The following HOOK2 variants were observed in gnomAD, a reference collection of about 807,000 sequenced individuals.
HOOK2 encodes protein Hook homolog 2.
In HOOK2, 108 loss-of-function variants were observed where a neutral mutation model predicts 111.9. That is an observed-to-expected ratio of 0.96 (90% CI 0.83 to 1.13). The LOEUF (loss-of-function observed/expected upper bound fraction) is 1.13. HOOK2 is among the 50% of genes most tolerant of loss of function. The pLI is 0.00. For synonymous variants in HOOK2, 405 were observed against 394.3 expected (o/e 1.03, Z -0.32); for missense variants, 978 against 951.3 (o/e 1.03, Z -0.37).
chr19:12,777,265 G>A (rs942488853), upstream of HOOK2, among the ~76,000 whole-genome samples: 7 of 152,088 alleles, frequency 4.6e-5, no homozygotes, highest in African/African-American at 1.7e-4. Flanking sequence ...CTTGAACCCA[G>A]GAGTTCGAGA....
At chr19:12,784,048 C>A (rs934035492) in intron 3 of HOOK2, among the ~76,000 whole-genome samples, 1 of 152,068 alleles carries the variant, frequency 6.6e-6, no homozygotes, top group Non-Finnish European at 1.5e-5. Flanking sequence ...CCCTGGACGC[C>A]TGGGTCCTGA....
At chr19:12,776,759 G>C (rs2083961476), upstream of HOOK2, among the ~76,000 whole-genome samples, 1 of 151,928 alleles carries the variant, frequency 6.6e-6, no homozygotes, top group Admixed American at 6.6e-5. Flanking sequence ...GAGGTGGGAG[G>C]ATAGCTTGAG....
At chr19:12,787,686 TC>T (rs1255254002) in intron 3 of HOOK2, among the ~76,000 whole-genome samples, 2 of 151,380 alleles carry the variant, frequency 1.3e-5, no homozygotes, top group Non-Finnish European at 2.9e-5. Context: ...CAAGTGATCC[TC>T]CCCCTCGGCC....
chr19:12,763,780 T>C lies in HOOK2; in HGVS notation c.1828-2A>G, dbSNP rs535643260. On this transcript the variant is annotated splice_acceptor_variant, in intron 20 of 22. Transcript: ENST00000397668. LOFTEE classifies it high-confidence loss of function. ...CTTGGGTTCCATGGTCTGCATGACC[T>C]ACAGGTTGAGGAAGTCATAGCCAGG... 1.4e-4 allele frequency: 232 copies of C among 1,612,972 alleles called. No individual in the cohort carries two copies. Among genetic ancestry groups the C allele is most frequent in the Non-Finnish European group, 1.9e-4 (225 of 1,179,042 alleles).
At position 12,766,128 on chromosome 19, in the gene HOOK2, G is replaced by C; in HGVS notation, c.1486C>G (p.Arg496Gly). The C allele has an allele frequency of 6.2e-7, 1 of 1,601,812 alleles. No individual in the cohort carries two copies. Among genetic ancestry groups the C allele is most frequent in the Non-Finnish European group, 8.5e-7 (1 of 1,179,026 alleles). ...QRHLEDANRA[R>G]HGLETQHRLN... ...CGGTGCTGCGTCTCCAACCCGTGGCGCGCGCGGTTGGCATCCTCCAGGTGG... is the reference window on the plus strand; with the variant it reads ...CGGTGCTGCGTCTCCAACCCGTGGCCCGCGCGGTTGGCATCCTCCAGGTGG... The change falls in exon 15 of 23, where the codon CGC becomes GGC. Residue 496 changes from arginine (R) to glycine (G), a missense_variant. By Grantham distance (125) the Arg-to-Gly change is moderately radical. Around this residue, in one of 5 missense-constraint regions of HOOK2, gnomAD observed 388 missense variants for 358.3 expected, o/e 1.08. Coordinates refer to ENST00000397668, the MANE Select transcript of HOOK2 (RefSeq NM_013312.3).
intron 6 of HOOK2, 115 bp downstream of exon 6, chr19:12,772,497 GA>G: frequency 8.4e-7 from 1 of 1,192,520 alleles, no homozygotes; most frequent in Non-Finnish European, 1.2e-6. Flanking sequence ...CTGGCCAGCT[GA>G]GTTCCAGGCA....
chr19:12,773,141 C>T (rs908903778), intron 3 of HOOK2, 97 bp from the exon 4 acceptor site: 8 of 1,200,134 alleles, frequency 6.7e-6, no homozygotes, highest in African/African-American at 6.0e-5. Context: ...CTTCCCTGCT[C>T]ATCTCATCCT....
chr19:12,770,154 T>C (rs1968275179), intron 10 of HOOK2, 72 bp from the exon 11 acceptor site: 3 of 1,311,212 alleles, frequency 2.3e-6, no homozygotes, highest in Admixed American at 6.1e-5. Context: ...GGAGTGGCCC[T>C]TGGAGCACAG....
chr19:12,789,179 GAGAGAGAGAGAGACAA>G (rs1189008251), intron 3 of HOOK2, among the ~76,000 whole-genome samples: 18 of 149,702 alleles, frequency 1.2e-4, no homozygotes, highest in Admixed American at 3.9e-4. Context: ...GAAGCTGAGA[GAGAGAGAGAGAGACAA>G]AGAGAGAGAG....
In HOOK2 at chr19:12,772,902, T is replaced by C; in HGVS notation, c.266A>G (p.His89Arg). 6.2e-7 allele frequency: 1 copy of C among 1,614,220 alleles called. No homozygotes were observed. The highest frequency in any genetic ancestry group is 2.2e-5 in the East Asian group (1 of 44,890). ...TGGGAGATGCTCTTCTGACACAGGA[T>C]GCGCCAGGACCTGGGGAGAAGGGGG... is the stretch of plus-strand genomic sequence containing the variant. ...LVEYSQDVLA[H>R]PVSEEHLPDV... Residue 89 changes from histidine to arginine, a missense_variant, in exon 5 of 23, where the codon CAT (histidine) becomes CGT (arginine). Coordinates refer to ENST00000397668, the MANE Select transcript of HOOK2 (RefSeq NM_013312.3).
At chr19:12,768,618 C>A (rs1968224965) in intron 11 of HOOK2, among the ~76,000 whole-genome samples, 1 of 151,794 alleles carries the variant, frequency 6.6e-6, no homozygotes, top group Non-Finnish European at 1.5e-5. Context: ...AATGGATTTT[C>A]TTTTTTAAAA....
rs1182669822 is a variant in HOOK2, at chr19:12,772,676, G to A, written c.393C>T (p.His131=). 1.2e-6 allele frequency: 2 copies of A among 1,614,242 alleles called. No individual in the cohort carries two copies. Among genetic ancestry groups the A allele is most frequent in the East Asian group, 4.5e-5 (2 of 44,894 alleles). The stretch of plus-strand genomic sequence containing the variant: ...CTTCCAGCGTCATGATTCTCTGGAT[G>A]TGGTCTGGGGATCAAGGTGGGGGAG... ...CAISCEKKQD[H]IQRIMTLEES... The change falls in exon 6 of 23, where the codon CAC becomes CAT. Residue 131 remains histidine, a synonymous_variant. Transcript: ENST00000397668.
chr19:12,782,798 C>A (rs2088315617), upstream of HOOK2, among the ~76,000 whole-genome samples: 1 of 152,152 alleles, frequency 6.6e-6, no homozygotes, highest in African/African-American at 2.4e-5. Flanking sequence ...AAACTTGTGG[C>A]CCCTCGACCG....
Position 12,770,042 on chromosome 19 carries a change from T to C in HOOK2, c.943A>G (p.Thr315Ala). The change falls in exon 11 of 23, where the codon ACC (threonine) becomes GCC (alanine). Residue 315 changes from threonine to alanine, a missense_variant. Around this residue, in one of 5 missense-constraint regions of HOOK2, gnomAD observed 388 missense variants for 358.3 expected, o/e 1.08. Transcript: ENST00000397668. Reference sequence around the variant, plus strand: ...TCGCCCAAGCGGCGCCGGCAACTGGTCAGCGTGGCCTCCAGCTGCCCAGCA... The same window carrying C: ...TCGCCCAAGCGGCGCCGGCAACTGGCCAGCGTGGCCTCCAGCTGCCCAGCA... ...ERAGQLEATL[T>A]SCRRRLGELR... The C allele has an allele frequency of 6.5e-7, 1 of 1,539,172 alleles. No individual in the cohort carries two copies. Among genetic ancestry groups the C allele is most frequent in the Non-Finnish European group, 8.7e-7 (1 of 1,146,030 alleles).
At chr19:12,782,269 AT>A (rs1247353625), upstream of HOOK2, among the ~76,000 whole-genome samples, 1 of 152,128 alleles carries the variant, frequency 6.6e-6, no homozygotes, top group Admixed American at 6.5e-5. Context: ...TGCCTGTGTG[AT>A]TGTCTGCGTC....
chr19:12,765,423 T>G, intron 18 of HOOK2: 2 of 588,238 alleles, frequency 3.4e-6, no homozygotes, highest in Non-Finnish European at 3.0e-6. Context: ...CTTTCTAGAA[T>G]ACAAATCTCT....
intron 14 of HOOK2, chr19:12,766,522 A>C: frequency 2.3e-6 from 1 of 427,554 alleles, no homozygotes; most frequent in Non-Finnish European, 4.1e-6. Flanking sequence ...GGGAAGCAGA[A>C]ATGGGAAGAA....
At chr19:12,783,017 C>G (rs902187077), upstream of HOOK2, among the ~76,000 whole-genome samples, 1 of 152,056 alleles carries the variant, frequency 6.6e-6, no homozygotes, top group Admixed American at 6.5e-5. Flanking sequence ...CTCGTGATCC[C>G]GGGAGAAGGG....
At chr19:12,767,357 C>T (rs373766126) in intron 14 of HOOK2, 38 bp downstream of exon 14, 6 of 1,585,114 alleles carry the variant, frequency 3.8e-6, no homozygotes, top group African/African-American at 1.3e-5. Context: ...CCTTGGCAAG[C>T]CTGGGTGGGG....
Sources: gnomAD v4.1 joint callset for allele counts (sites outside exome capture counted in the v4.1 genomes callset) on GRCh38, gnomAD v4.1.1 for gene constraint, gnomAD v4.1.1 regional missense constraint, MANE v1.5 for transcripts, NCBI Gene and HGNC (gene_info 2026-07-23, HGNC 2026-07-21) for gene names.